Variants in ABCA13 observed in about 807,000 individuals in gnomAD.
ABCA13 encodes the protein ATP binding cassette subfamily A member 13, also known as ATP-binding cassette sub-family A member 13.
In ABCA13, 476 loss-of-function variants were observed where a neutral mutation model predicts 478.7. The ratio of observed to expected loss-of-function variants is 0.99; its 90% CI spans 0.92 to 1.07. The LOEUF (loss-of-function observed/expected upper bound fraction) is 1.07, where lower values mean the gene tolerates loss of function less well. Ranked by LOEUF, ABCA13 falls within the 50% of genes least tolerant of loss-of-function variation. ABCA13 has a pLI of 0.00. For synonymous variants in ABCA13, 2,252 were observed against 2,158.9 expected (o/e 1.04, Z -1.20); for missense variants, 6,060 against 5,910.6 (o/e 1.03, Z -0.83).
chr7:48,342,371 A>T (rs1584932716), intron 29 of ABCA13, among the ~76,000 whole-genome samples: 1 of 151,952 alleles, frequency 6.6e-6, no homozygotes, highest in African/African-American at 2.4e-5. Context: ...GGGATTGCCT[A>T]TTTCTCCTTG....
chr7:48,213,186 TA>T (rs1214082415), intron 3 of ABCA13, among the ~76,000 whole-genome samples: 1 of 152,220 alleles, frequency 6.6e-6, no homozygotes, highest in African/African-American at 2.4e-5. Flanking sequence ...TCTATTTCAT[TA>T]AAATACATTG....
chr7:48,173,713 G>T (rs1794465257), intron 1 of ABCA13, among the ~76,000 whole-genome samples: 2 of 152,186 alleles, frequency 1.3e-5, no homozygotes, highest in African/African-American at 4.8e-5. Context: ...TGCCTGACTG[G>T]GTTCACATCC....
rs145601682 is a variant in ABCA13 at position 48,313,170 on chromosome 7, T to C, written c.9620T>C (p.Leu3207Pro). Residue 3207 changes from leucine to proline, a missense_variant, in exon 25 of 62, where the codon CTT (leucine) becomes CCT (proline). By Grantham distance (98) the Leu-to-Pro change is moderately conservative. Coordinates refer to ENST00000435803, the MANE Select transcript of ABCA13 (RefSeq NM_152701.5). ...AAAGCCCAGCACGTCTTTGAGTATC[T>C]TCCTGAGTTTCTTCACACATTTAAA... is the stretch of plus-strand genomic sequence containing the variant. ...LAKAQHVFEY[L>P]PEFLHTFKIT... 4.0e-4 allele frequency: 642 copies of C among 1,613,006 alleles called. 6 individuals carry two copies. In the African/African-American group the frequency reaches 7.7e-3, roughly 19 times the overall value.
At chr7:48,385,498 T>A (rs951924613) in intron 35 of ABCA13, among the ~76,000 whole-genome samples, 3 of 152,236 alleles carry the variant, frequency 2.0e-5, no homozygotes, top group African/African-American at 7.2e-5. Context: ...CATTCCTTTT[T>A]ATGGCTGCAT....
rs1337639033 is a variant in ABCA13 at position 48,274,782 on chromosome 7, G to T, written c.5116G>T (p.Val1706Phe). ...ISSVGTGNLV[V>F]NLLVGLMEKF... ...TAGTGTGGGAACTGGCAATTTAGTG[G>T]TCAATTTGCTTGTTGGCTTGATGGA... Residue 1706 changes from valine (V) to phenylalanine (F), a missense_variant, in exon 17 of 62, where the codon GTC (valine) becomes TTC (phenylalanine). This residue lies in a region of ABCA13 where 4,423 missense variants were observed against 4,309.1 expected (regional missense o/e 1.03). Transcript: ENST00000435803. The T allele has an allele frequency of 1.2e-6, 2 of 1,613,842 alleles. No individual in the cohort carries two copies. Among genetic ancestry groups the T allele is most frequent in the Non-Finnish European group, 1.7e-6 (2 of 1,179,866 alleles).
intron 58 of ABCA13, among the ~76,000 whole-genome samples, chr7:48,599,613 C>T (rs1298918757): frequency 1.3e-5 from 2 of 152,090 alleles, no homozygotes; most frequent in Non-Finnish European, 2.9e-5. Flanking sequence ...ACTAGAAATA[C>T]CATTTGACCA....
At chr7:48,418,581 C>A (rs920383498) in intron 41 of ABCA13, among the ~76,000 whole-genome samples, 4 of 152,246 alleles carry the variant, frequency 2.6e-5, no homozygotes, top group Middle Eastern at 6.8e-3. Context: ...TTGTTAACTT[C>A]ATTTTTCTCA....
chr7:48,210,096 A>C lies in ABCA13; in HGVS notation c.288-9258A>C, dbSNP rs1339248074. 2.0e-5 allele frequency among the ~76,000 whole-genome samples: 3 copies of C among 152,144 alleles called. No individual in the cohort carries two copies. In the East Asian group the frequency reaches 5.8e-4, roughly 29 times the overall value. ...ATGAAGAAATATCCAAGACTGGGTA[A>C]TTTATAAAGTAAAGAGATTTAATTG... On this transcript the variant is annotated intron_variant, in intron 3 of 61. Coordinates refer to ENST00000435803, the MANE Select transcript of ABCA13 (RefSeq NM_152701.5).
intron 42 of ABCA13, among the ~76,000 whole-genome samples, chr7:48,454,511 G>T (rs1825411904): frequency 6.6e-6 from 1 of 152,218 alleles, no homozygotes; most frequent in Non-Finnish European, 1.5e-5. Flanking sequence ...GCAGGGAAGC[G>T]GGAGCAGGGA....
chr7:48,478,666 A>G (rs1391109913), intron 45 of ABCA13, among the ~76,000 whole-genome samples: 5 of 152,138 alleles, frequency 3.3e-5, no homozygotes, highest in Non-Finnish European at 5.9e-5. Context: ...TGGATCTTGG[A>G]ACAGACACTC....
intron 55 of ABCA13, among the ~76,000 whole-genome samples, chr7:48,562,964 A>G (rs1786618032): frequency 6.6e-6 from 1 of 151,996 alleles, no homozygotes; most frequent in African/African-American, 2.4e-5. Flanking sequence ...GTGTGTATAT[A>G]TATATATATG....
Position 48,278,650 on chromosome 7 carries a change from A to C in ABCA13, c.7456A>C (p.Ser2486Arg), listed in dbSNP as rs756938382. Residue 2486 changes from serine to arginine, a missense_variant, in exon 18 of 62, where the codon AGT (serine) becomes CGT (arginine). Physicochemically the swap from Ser to Arg is moderately radical, Grantham distance 110. Coordinates refer to ENST00000435803, the MANE Select transcript of ABCA13 (RefSeq NM_152701.5). ...ATTAGTTGGTGCTATTTCAAGAGCA[A>C]GTGAAGAAAGTCACGTCCTGAAACC... is the stretch of plus-strand genomic sequence containing the variant. ...KRLVGAISRA[S>R]EESHVLKPLL... 14 of 1,613,476 alleles carry C rather than the reference A, an allele frequency of 8.7e-6. No individual in the cohort carries two copies. In the African/African-American group the frequency reaches 1.9e-4, roughly 22 times the overall value.
At position 48,427,851 on chromosome 7, in the gene ABCA13, C is replaced by T. The variant is rs764466926; in HGVS notation, c.12545C>T (p.Thr4182Ile). The T allele has an allele frequency of 2.5e-6, 4 of 1,606,116 alleles. No individual in the cohort carries two copies. Among genetic ancestry groups the T allele is most frequent in the African/African-American group, 1.3e-5 (1 of 74,310 alleles). ...TESELQNHRP[T>I]GHLSGYCGSL... ...TCAGAGCTGCAGAACCACAGGCCTA[C>T]AGGACATCTGTCTGGCTACTGTAAG... is the stretch of plus-strand genomic sequence containing the variant. The change falls in exon 42 of 62, where the codon ACA becomes ATA. Residue 4182 changes from threonine (T) to isoleucine (I), a missense_variant. Coordinates refer to ENST00000435803, the MANE Select transcript of ABCA13 (RefSeq NM_152701.5).
intron 14 of ABCA13, among the ~76,000 whole-genome samples, 185 bp downstream of exon 14, chr7:48,248,629 A>G (rs1213046305): frequency 6.6e-6 from 1 of 152,222 alleles, no homozygotes; most frequent in African/African-American, 2.4e-5. Context: ...GTAAAATATG[A>G]AAGAGTTCCC....
Position 48,350,726 on chromosome 7 carries a change from T to G in ABCA13, c.10288T>G (p.Cys3430Gly). 2 of 1,613,996 alleles carry G rather than the reference T, an allele frequency of 1.2e-6. No homozygotes were observed. The highest frequency in any genetic ancestry group is 2.2e-5 in the East Asian group (1 of 44,878). Residue 3430 changes from cysteine (C) to glycine (G), a missense_variant, in exon 30 of 62, where the codon TGC becomes GGC. Transcript: ENST00000435803. The stretch of plus-strand genomic sequence containing the variant: ...CAGCATCTTGGTCAATCTCTCTTCC[T>G]GCGTGGCACTGAACCGTTTCCAGGC... The part of the protein sequence containing the change: ...LGSILVNLSS[C>G]VALNRFQALQ...
chr7:48,226,241 G>A (rs188558241), intron 5 of ABCA13, among the ~76,000 whole-genome samples: 18 of 152,246 alleles, frequency 1.2e-4, no homozygotes, highest in African/African-American at 3.6e-4. Flanking sequence ...GGGGATTTGA[G>A]GATCATTAGA....
At chr7:48,549,054 A>T (rs569649861) in intron 55 of ABCA13, among the ~76,000 whole-genome samples, 25 of 151,644 alleles carry the variant, frequency 1.6e-4, no homozygotes, top group African/African-American at 4.6e-4. Context: ...TACTTTTTTT[A>T]AAAAAAATTT....
rs944098289 is a variant in ABCA13, at chr7:48,358,034, C to T, written c.10688+5547C>T. Among the ~76,000 whole-genome samples, 36 of 150,936 alleles carry T rather than the reference C, an allele frequency of 2.4e-4. 1 individual carries two copies. Among genetic ancestry groups the T allele is most frequent in the African/African-American group, 3.9e-4 (16 of 40,826 alleles). On this transcript the variant is annotated intron_variant, in intron 31 of 61. Coordinates refer to ENST00000435803, the MANE Select transcript of ABCA13 (RefSeq NM_152701.5). ...GCACGCGTCTGTAATCCCAGCTACT[C>T]GGGAGGCTGAGGCAGGAGAATTGCT...
At chr7:48,253,403 T>A (rs1792878216) in intron 15 of ABCA13, among the ~76,000 whole-genome samples, 1 of 152,220 alleles carries the variant, frequency 6.6e-6, no homozygotes, top group African/African-American at 2.4e-5. Context: ...CACATCTTCC[T>A]GACAGTGGCA....
Sources: gnomAD v4.1 joint callset for allele counts (sites outside exome capture counted in the v4.1 genomes callset) on GRCh38, gnomAD v4.1.1 for gene constraint, gnomAD v4.1.1 regional missense constraint, MANE v1.5 for transcripts, NCBI Gene and HGNC (gene_info 2026-07-23, HGNC 2026-07-21) for gene names.